CREB5: variants seen among roughly 807,000 people sequenced by gnomAD.
CREB5 encodes the protein cyclic AMP-responsive element-binding protein 5.
A neutral mutation model predicts 57.1 loss-of-function variants in CREB5; 19 were observed. The ratio of observed to expected loss-of-function variants is 0.33; its 90% CI spans 0.23 to 0.49. CREB5 has a LOEUF of 0.49. Among genes scored for constraint, CREB5 ranks in the 20% least tolerant of loss-of-function variants. The pLI is 0.99. For missense variants in CREB5, 579 were observed against 671.6 expected (o/e 0.86, Z 1.52); for synonymous variants, 238 against 238.3 (o/e 1.00, Z 0.01).
chr7:28,673,657 C>CTTTT (rs549391329), intron 5 of CREB5, among the ~76,000 whole-genome samples: 14 of 55,764 alleles, frequency 2.5e-4, no homozygotes, highest in African/African-American at 5.1e-4. Flanking sequence ...CTCTCTCTCT[C>CTTTT]TTTTTTTTTT....
chr7:28,433,038 C>A lies in CREB5; in HGVS notation c.3+20121C>A, dbSNP rs550932487. 2.2e-3 allele frequency among the ~76,000 whole-genome samples: 329 copies of A among 152,148 alleles called. 4 individuals are homozygous for A. Among genetic ancestry groups the A allele is most frequent in the African/African-American group, 7.8e-3 (324 of 41,504 alleles). The stretch of plus-strand genomic sequence containing the variant: ...GTGATTTTAATAGCCTTAGAATTTT[C>A]TGTTTGTTATAATGTACTTAAGCCA... On this transcript the variant is annotated intron_variant, in intron 1 of 10. Transcript: ENST00000357727.
intron 7 of CREB5, among the ~76,000 whole-genome samples, chr7:28,734,206 C>CAAAAAAAAAAAAAA (rs61403862): frequency 1.2e-4 from 12 of 96,436 alleles, no homozygotes; most frequent in African/African-American, 3.1e-4. Context: ...TTCAGTAGTT[C>CAAAAAAAAAAAAAA]AAAAAAAAAA....
intron 5 of CREB5, among the ~76,000 whole-genome samples, chr7:28,575,709 C>A (rs549495484): frequency 6.6e-6 from 1 of 152,166 alleles, no homozygotes; most frequent in Non-Finnish European, 1.5e-5. Flanking sequence ...CTGAATATCA[C>A]GGCTATGAAC....
rs781328727 is a variant in CREB5, at chr7:28,809,352, G to T, written c.1192G>T (p.Val398Phe). The change falls in exon 9 of 11, where the codon GTC becomes TTC. Residue 398 changes from valine to phenylalanine, a missense_variant. Val to Phe is a conservative substitution (Grantham distance 50). Transcript: ENST00000357727. ...AATRCRQKRKVWVMSLEKKAE... is the reference protein window; with the variant it reads ...AATRCRQKRKFWVMSLEKKAE... Reference sequence around the variant, plus strand: ...CACCCGCTGCAGACAGAAGAGGAAGGTCTGGGTGATGTCATTGGAAAAGAA... The same window carrying T: ...CACCCGCTGCAGACAGAAGAGGAAGTTCTGGGTGATGTCATTGGAAAAGAA... The T allele has an allele frequency of 2.1e-5, 34 of 1,614,052 alleles. No homozygotes were observed. The highest frequency in any genetic ancestry group is 2.7e-5 in the Non-Finnish European group (32 of 1,180,044).
intron 5 of CREB5, among the ~76,000 whole-genome samples, chr7:28,576,094 C>G (rs1288015064): frequency 2.0e-5 from 3 of 152,166 alleles, no homozygotes; most frequent in Non-Finnish European, 4.4e-5. Context: ...TGGTCCTTGC[C>G]TCTGATTCTT....
intron 4 of CREB5, among the ~76,000 whole-genome samples, chr7:28,522,745 G>A (rs755556668): frequency 3.9e-5 from 6 of 152,152 alleles, no homozygotes; most frequent in South Asian, 2.1e-4. Flanking sequence ...GTTGAGCTTC[G>A]TCTTAGCTCT....
chr7:28,786,907 T>A (rs1188688540), intron 7 of CREB5, among the ~76,000 whole-genome samples: 2 of 152,212 alleles, frequency 1.3e-5, no homozygotes, highest in Non-Finnish European at 2.9e-5. Flanking sequence ...TTTTATGTAA[T>A]TGCTTTTGGA....
intron 7 of CREB5, chr7:28,724,607 C>A: frequency 5.6e-6 from 2 of 354,630 alleles, no homozygotes; most frequent in Non-Finnish European, 1.0e-5. Context: ...TAGGATATAC[C>A]CAAGCGTGTA....
At chr7:28,701,821 A>C (rs1436096757) in intron 5 of CREB5, among the ~76,000 whole-genome samples, 1 of 152,250 alleles carries the variant, frequency 6.6e-6, no homozygotes, top group Admixed American at 6.5e-5. Context: ...ATCAGTTTCC[A>C]GGACGTTGTA....
chr7:28,568,845 C>T (rs1045957165), intron 4 of CREB5, among the ~76,000 whole-genome samples: 2 of 152,178 alleles, frequency 1.3e-5, no homozygotes, highest in East Asian at 1.9e-4. Context: ...TTATCACCAT[C>T]GTTTAACACG....
chr7:28,449,591 A>G (rs771589586), intron 1 of CREB5, among the ~76,000 whole-genome samples: 13 of 152,186 alleles, frequency 8.5e-5, no homozygotes, highest in East Asian at 3.8e-4. Context: ...TGCAACCTCA[A>G]TGATATCTTC....
At chr7:28,357,538 G>T (rs371999252) in intron 1 of CREB5, among the ~76,000 whole-genome samples, 2 of 151,982 alleles carry the variant, frequency 1.3e-5, no homozygotes, top group Non-Finnish European at 2.9e-5. Flanking sequence ...AATTTTTTTC[G>T]TGGGTCTTTT....
Position 28,486,686 on chromosome 7 carries a change from ATATAT to A in CREB5, c.4-1488_4-1484del. Among the ~76,000 whole-genome samples the A allele has an allele frequency of 2.2e-5, 3 of 135,914 alleles. No individual in the cohort carries two copies. The South Asian group carries it at 7.0e-4, about 32-fold the overall frequency. 89.2% of individuals were successfully genotyped at this position (135,914 alleles called of 152,430 possible). A position where few individuals can be genotyped will look rare whatever the true frequency, so the allele number is the denominator to read the frequency against. ...CCTATGATTTTATATATATATATAT[ATATAT>A]ATGTTACTGTGTGGATTGGTAACCA... On this transcript the variant is annotated intron_variant, in intron 1 of 10. Transcript: ENST00000357727.
At chr7:28,312,840 T>C (rs957407666) in intron 1 of CREB5, among the ~76,000 whole-genome samples, 1 of 152,194 alleles carries the variant, frequency 6.6e-6, no homozygotes, top group Non-Finnish European at 1.5e-5. Context: ...CCATAACTCA[T>C]AGTGTTGCCA....
chr7:28,547,149 C>G (rs1794453013), intron 4 of CREB5, among the ~76,000 whole-genome samples: 1 of 152,198 alleles, frequency 6.6e-6, no homozygotes, highest in Admixed American at 6.5e-5. Context: ...TTCAAGATCA[C>G]CATTCTTGTA....
At chr7:28,677,106 A>G (rs1800354674) in intron 5 of CREB5, among the ~76,000 whole-genome samples, 1 of 152,238 alleles carries the variant, frequency 6.6e-6, no homozygotes, top group Non-Finnish European at 1.5e-5. Flanking sequence ...ATCTTAAAAT[A>G]GAAGAGGGGA....
intron 7 of CREB5, among the ~76,000 whole-genome samples, chr7:28,754,496 C>T (rs569315375): frequency 6.6e-6 from 1 of 152,346 alleles, no homozygotes; most frequent in South Asian, 2.1e-4. Flanking sequence ...GCCACAAGAT[C>T]CATGAGGGAT....
intron 5 of CREB5, among the ~76,000 whole-genome samples, chr7:28,675,773 T>C (rs551689426): frequency 8.5e-5 from 13 of 152,096 alleles, no homozygotes; most frequent in African/African-American, 2.9e-4. Flanking sequence ...AAGGTGCTCA[T>C]ATGGGAGATC....
At position 28,390,855 on chromosome 7, in the gene CREB5, AAC is replaced by A. The variant is rs71951912; in HGVS notation, c.-25+91416_-25+91417del. Among the ~76,000 whole-genome samples, 895 of 152,312 alleles carry A rather than the reference AAC, an allele frequency of 5.9e-3. 9 individuals carry two copies. The highest frequency in any genetic ancestry group is 0.02 in the African/African-American group (846 of 41,572). The stretch of plus-strand genomic sequence containing the variant: ...TGGAATGCTTTCCCTGGCAATTGAC[AAC>A]AGAGTTCAAGTCAAGTTTATGATTC... On this transcript the variant is annotated intron_variant, in intron 1 of 9. Coordinates refer to the CREB5 transcript ENST00000396299.
Sources: allele counts gnomAD v4.1 joint callset (sites outside exome capture counted in the v4.1 genomes callset), GRCh38; gene constraint gnomAD v4.1.1; transcripts MANE v1.5; gene names NCBI Gene and HGNC (gene_info 2026-07-23, HGNC 2026-07-21).